Variants in PTPRF observed in about 807,000 individuals in gnomAD.
The protein encoded by PTPRF is protein tyrosine phosphatase receptor type F.
PTPRF carries 59 observed loss-of-function variants against 201.8 expected under a neutral mutation model. The ratio of observed to expected loss-of-function variants is 0.29; its 90% CI spans 0.24 to 0.36. The LOEUF (loss-of-function observed/expected upper bound fraction) is 0.36, where lower values mean the gene tolerates loss of function less well. PTPRF is among the 10% of genes least tolerant of loss of function. PTPRF has a pLI of 1.00. For synonymous variants in PTPRF, 1,088 were observed against 1,089.7 expected (o/e 1.00, Z 0.03); for missense variants, 2,132 against 2,690.5 (o/e 0.79, Z 4.59).
intron 7 of PTPRF, 134 bp downstream of exon 7, chr1:43,579,054 T>G: frequency 1.2e-6 from 1 of 838,320 alleles, no homozygotes; most frequent in Non-Finnish European, 2.0e-6. Context: ...TCCTGCTTCT[T>G]TCTGCAGCAG....
At position 43,592,491 on chromosome 1, in the gene PTPRF, C is replaced by G; in HGVS notation, c.1703C>G (p.Thr568Arg). 6.2e-7 allele frequency: 1 copy of G among 1,613,034 alleles called. No homozygotes were observed. The highest frequency in any genetic ancestry group is 1.1e-5 in the South Asian group (1 of 90,946). ...ACCTTCGACCCAACCTCCTCCTACA[C>G]ACTAGAGGACCTGAAGCCTGACACA... ...KVTFDPTSSY[T>R]LEDLKPDTLY... The change falls in exon 11 of 34, where the codon ACA becomes AGA. Residue 568 changes from threonine (T) to arginine (R), a missense_variant. By Grantham distance (71) the Thr-to-Arg change is moderately conservative. Coordinates refer to ENST00000359947, the MANE Select transcript of PTPRF (RefSeq NM_002840.5).
At chr1:43,523,422 G>A (rs956290077), upstream of PTPRF, among the ~76,000 whole-genome samples, 3 of 152,146 alleles carry the variant, frequency 2.0e-5, no homozygotes, top group Non-Finnish European at 2.9e-5. Flanking sequence ...CATGGGCGTC[G>A]AGGGACAGGA....
chr1:43,594,812 G>A (rs583040), intron 11 of PTPRF, among the ~76,000 whole-genome samples: 42,057 of 152,146 alleles, frequency 0.28, 6,918 homozygotes, highest in Non-Finnish European at 0.37. Flanking sequence ...TCAAGATGCC[G>A]TGTGCCATCT....
chr1:43,605,289 A>AT lies in PTPRF; in HGVS notation c.3235_3236insT (p.Asn1079IlefsTer62). The AT allele has an allele frequency of 6.2e-7, 1 of 1,613,278 alleles. No homozygotes were observed. The highest frequency in any genetic ancestry group is 8.5e-7 in the Non-Finnish European group (1 of 1,179,526). On this transcript the variant is annotated frameshift_variant, in exon 18 of 34. Coordinates refer to ENST00000359947, the MANE Select transcript of PTPRF (RefSeq NM_002840.5). LOFTEE classifies it high-confidence loss of function. ...CACAGAGTACTCGTTTGTGCTGATGAACCGTGGCAGCAGCGCAGGGGGCCT... is the reference window on the plus strand; with the variant it reads ...CACAGAGTACTCGTTTGTGCTGATGATACCGTGGCAGCAGCGCAGGGGGCCT...
At position 43,619,215 on chromosome 1, in the gene PTPRF, A is replaced by C; in HGVS notation, c.4646+13A>C. 8.7e-7 allele frequency: 1 copy of C among 1,147,054 alleles called. No individual in the cohort carries two copies. The highest frequency in any genetic ancestry group is 1.2e-6 in the Non-Finnish European group (1 of 835,678). The allele number at this position is 1,147,054 out of a possible 1,614,324, so 71.1% of individuals were successfully genotyped here. A position where few individuals can be genotyped will look rare whatever the true frequency, so the allele number is the denominator to read the frequency against. ...TGGTGCACTGCAGGTGAGAGGGTAC[A>C]GTGCCACCCAGAGGGGTGGGTGGGG... On this transcript the variant is annotated intron_variant, in intron 27 of 33. Transcript: ENST00000359947.
rs1156962444 is a variant in PTPRF, at chr1:43,591,436, C to T, written c.1414C>T (p.Leu472Phe). ...CAAGCACAACACCGACGCGGGGCTC[C>T]TCACGACCGTGGGCAGCCTGCTGCC... ...WHKHNTDAGL[L>F]TTVGSLLPGI... is the part of the protein sequence containing the mutation. Residue 472 changes from leucine (L) to phenylalanine (F), a missense_variant, in exon 9 of 34, where the codon CTC (leucine) becomes TTC (phenylalanine). Transcript: ENST00000359947. 6.3e-6 allele frequency: 10 copies of T among 1,589,180 alleles called. No homozygotes were observed. Among genetic ancestry groups the T allele is most frequent in the South Asian group, 1.1e-5 (1 of 87,736 alleles).
At position 43,541,338 on chromosome 1, in the gene PTPRF, C is replaced by G. The variant is rs187376810; in HGVS notation, c.-46+3061C>G. The stretch of plus-strand genomic sequence containing the variant: ...CCAGCTGTTCTCCAGCCAGGGAAGC[C>G]CCCATCACATGGTCCCTTGGGCCCC... On this transcript the variant is annotated intron_variant, in intron 2 of 33. Coordinates refer to ENST00000359947, the MANE Select transcript of PTPRF (RefSeq NM_002840.5). Among the ~76,000 whole-genome samples the G allele has an allele frequency of 5.4e-3, 824 of 152,320 alleles. 5 individuals are homozygous for G. Among genetic ancestry groups the G allele is most frequent in the Admixed American group, 9.2e-3 (141 of 15,304 alleles).
At chr1:43,535,219 ATTGT>A (rs1030831754) in intron 1 of PTPRF, among the ~76,000 whole-genome samples, 6 of 151,960 alleles carry the variant, frequency 3.9e-5, no homozygotes, top group African/African-American at 1.5e-4. Context: ...TATCGATGGG[ATTGT>A]TTGTGTTGCT....
At chr1:43,545,213 C>T (rs1644585229) in intron 3 of PTPRF, 47 bp downstream of exon 3, 1 of 1,531,532 alleles carries the variant, frequency 6.5e-7, no homozygotes, top group Non-Finnish European at 8.9e-7. Context: ...TGAAAGGTGG[C>T]ATCCTTCCCA....
At chr1:43,611,227 C>T (rs936854063) in intron 22 of PTPRF, among the ~76,000 whole-genome samples, 1 of 152,186 alleles carries the variant, frequency 6.6e-6, no homozygotes, top group Non-Finnish European at 1.5e-5. Flanking sequence ...GCAGACCTAG[C>T]AGGCTGTTGC....
intron 1 of PTPRF, 102 bp downstream of exon 1, chr1:43,531,192 C>T (rs1361083822): frequency 2.7e-5 from 4 of 150,504 alleles, no homozygotes; most frequent in Non-Finnish European, 5.9e-5. Context: ...GGGGGCGGTC[C>T]CGGGGGGGAC....
At position 43,554,169 on chromosome 1, in the gene PTPRF, T is replaced by G. The variant is rs1046209529; in HGVS notation, c.379+228T>G. Among the ~76,000 whole-genome samples the G allele has an allele frequency of 7.9e-5, 12 of 152,200 alleles. No homozygotes were observed. Among genetic ancestry groups the G allele is most frequent in the Admixed American group, 7.9e-4 (12 of 15,282 alleles). ...GGGGCATGATGCCTTTGTATTCTCCTGCTGAGCCGGGTCGTTGGTTGGGTG... is the reference window on the plus strand; with the variant it reads ...GGGGCATGATGCCTTTGTATTCTCCGGCTGAGCCGGGTCGTTGGTTGGGTG... On this transcript the variant is annotated intron_variant, in intron 5 of 33. Transcript: ENST00000359947. This position sits in a 1 kb window ranked among gnomAD's most constrained non-coding sequence, Gnocchi z 4.1.
chr1:43,620,554 G>GT lies in PTPRF; in HGVS notation c.5340dup (p.Glu1781Ter), dbSNP rs755573577. The GT allele has an allele frequency of 6.2e-7, 1 of 1,614,126 alleles. No individual in the cohort carries two copies. Among genetic ancestry groups the GT allele is most frequent in the Admixed American group, 1.7e-5 (1 of 60,004 alleles). On this transcript the variant is annotated frameshift_variant, in exon 31 of 34. Coordinates refer to ENST00000359947, the MANE Select transcript of PTPRF (RefSeq NM_002840.5). LOFTEE classifies it high-confidence loss of function. ...TACAACATGCCCCAGTATATCCTGC[G>GT]TGAGTTCAAGGTCACGGATGCCCGG... is the stretch of plus-strand genomic sequence containing the variant.
rs1178418256 is a variant in PTPRF, at chr1:43,554,845, C to T, written c.379+904C>T. On this transcript the variant is annotated intron_variant, in intron 5 of 33. Coordinates refer to ENST00000359947, the MANE Select transcript of PTPRF (RefSeq NM_002840.5). The surrounding 1 kb of genome is among the most constrained non-coding windows in gnomAD (Gnocchi z 4.1). ...ATTGTTGCTTGCTTTTTTTTCTTTT[C>T]TTTCTTTCTTTCTTTTTTTTTTTTT... 3.4e-5 allele frequency among the ~76,000 whole-genome samples: 5 copies of T among 147,834 alleles called. No individual in the cohort carries two copies. The highest frequency in any genetic ancestry group is 7.4e-5 in the Non-Finnish European group (5 of 67,246).
chr1:43,612,851 G>A (rs1656798878), intron 22 of PTPRF: 13 of 1,310,930 alleles, frequency 9.9e-6, no homozygotes, highest in Non-Finnish European at 1.3e-5. Context: ...TTCTGTGTCT[G>A]TTTCCACTCC....
At chr1:43,614,469 C>T (rs1000672386) in intron 23 of PTPRF, among the ~76,000 whole-genome samples, 1 of 152,142 alleles carries the variant, frequency 6.6e-6, no homozygotes, top group African/African-American at 2.4e-5. Context: ...TGAGGGTTTC[C>T]CACCCACAGA....
chr1:43,568,483 C>T (rs762787431), intron 5 of PTPRF, among the ~76,000 whole-genome samples: 1 of 152,182 alleles, frequency 6.6e-6, no homozygotes, highest in Non-Finnish European at 1.5e-5. Context: ...TGCTCCGCAA[C>T]ACCTTGCATG....
rs1487479268 is a variant in PTPRF, at chr1:43,553,027, G to T, written c.92-465G>T. 6.6e-6 allele frequency among the ~76,000 whole-genome samples: 1 copy of T among 152,156 alleles called. No individual in the cohort carries two copies. Among genetic ancestry groups the T allele is most frequent in the Non-Finnish European group, 1.5e-5 (1 of 68,030 alleles). ...GGTTCCTGGCCGGAGCCCCGGGGTG[G>T]ATGGTGGTGCCATCACTGAGATGGA... On this transcript the variant is annotated intron_variant, in intron 3 of 33. Transcript: ENST00000359947. The surrounding 1 kb of genome is among the most constrained non-coding windows in gnomAD (Gnocchi z 4.1).
chr1:43,593,934 C>T (rs908101006), intron 11 of PTPRF, among the ~76,000 whole-genome samples: 13 of 152,012 alleles, frequency 8.6e-5, no homozygotes, highest in East Asian at 3.9e-4. Flanking sequence ...TGCAGTGAGC[C>T]GAGATGGTGC....
Sources: gnomAD v4.1 joint callset for allele counts (sites outside exome capture counted in the v4.1 genomes callset) on GRCh38, gnomAD v4.1.1 for gene constraint, Gnocchi (gnomAD v3.1) non-coding constraint, MANE v1.5 for transcripts, NCBI Gene and HGNC (gene_info 2026-07-23, HGNC 2026-07-21) for gene names.